Variants in REV1 observed in about 807,000 individuals in gnomAD.
REV1 encodes the protein translesion synthesis protein REV1.
REV1 carries 42 observed loss-of-function variants against 137.4 expected under a neutral mutation model. The ratio of observed to expected loss-of-function variants is 0.31; its 90% CI spans 0.24 to 0.40. The LOEUF (loss-of-function observed/expected upper bound fraction) is 0.40. Ranked by LOEUF, REV1 falls within the 10% of genes least tolerant of loss-of-function variation. The pLI, the probability that REV1 is intolerant of heterozygous loss-of-function variation, is 1.00. For synonymous variants in REV1, 524 were observed against 519.2 expected, an observed-to-expected ratio of 1.01 and a Z score of -0.12; for missense variants, 1,282 against 1,490.1, an observed-to-expected ratio of 0.86 and a Z score of 2.30.
intron 1 of REV1, among the ~76,000 whole-genome samples, chr2:99,485,448 CA>C (rs1687040498): frequency 6.6e-6 from 1 of 152,158 alleles, no homozygotes; most frequent in African/African-American, 2.4e-5. Flanking sequence ...AAACTGAACA[CA>C]ACTAAAGATG....
At position 99,454,550 on chromosome 2, in the gene REV1, CAAAAAAAAAAAAAAAAAAAAAAAAAAA is replaced by C. The variant is rs373850478; in HGVS notation, c.182-5073_182-5047del. ...GGGCAACAAGAGTGAAACTCCAGCT[CAAAAAAAAAAAAAAAAAAAAAAAAAAA>C]AAAAAAAAAAAAAACCCAAAAATTA... On this transcript the variant is annotated intron_variant, in intron 3 of 22. Transcript: ENST00000258428. 4.1e-4 allele frequency among the ~76,000 whole-genome samples: 34 copies of C among 82,368 alleles called. No individual in the cohort carries two copies. In the South Asian group the frequency reaches 0.02, roughly 49 times the overall value. 54.0% of individuals were successfully genotyped at this position (82,368 alleles called of 152,430 possible). A position where few individuals can be genotyped will look rare whatever the true frequency, so the allele number is the denominator to read the frequency against.
intron 4 of REV1, 23 bp downstream of exon 4, chr2:99,449,300 AAAATTTATTAATT>A: frequency 8.0e-7 from 1 of 1,242,808 alleles, no homozygotes; most frequent in Non-Finnish European, 1.1e-6. Flanking sequence ...TCTAACTTTA[AAAATTTATTAATT>A]AAATTTAATA....
chr2:99,432,839 G>A (rs1343363373), intron 8 of REV1, among the ~76,000 whole-genome samples: 1 of 152,194 alleles, frequency 6.6e-6, no homozygotes, highest in East Asian at 1.9e-4. Flanking sequence ...ACCAATGACA[G>A]TACTGTGTTA....
At chr2:99,416,440 A>G (rs1575019634) in intron 12 of REV1, among the ~76,000 whole-genome samples, 1 of 152,194 alleles carries the variant, frequency 6.6e-6, no homozygotes, top group Non-Finnish European at 1.5e-5. Flanking sequence ...TATAGACCTG[A>G]AATGTTCTAT....
At position 99,460,765 on chromosome 2, in the gene REV1, G is replaced by A. The variant is rs1420025769; in HGVS notation, c.181+1731C>T. Among the ~76,000 whole-genome samples, 67 of 151,904 alleles carry A rather than the reference G, an allele frequency of 4.4e-4. 2 individuals are homozygous for A. The highest frequency in any genetic ancestry group is 4.4e-3 in the Admixed American group (67 of 15,254). On this transcript the variant is annotated intron_variant, in intron 3 of 22. Coordinates refer to ENST00000258428, the MANE Select transcript of REV1 (RefSeq NM_016316.4). ...AGTTATAATGAAATCTTAATAACAA[G>A]AGCAAAAATATTATCATCTCTATCC...
chr2:99,433,993 A>G (rs1680429456), intron 8 of REV1, among the ~76,000 whole-genome samples: 1 of 152,210 alleles, frequency 6.6e-6, no homozygotes, highest in Non-Finnish European at 1.5e-5. Context: ...ACAAATCTTG[A>G]GCAAGACAAA....
chr2:99,442,264 A>AAAAAAAAAAAAAAAAAAAC (rs1681598603), intron 5 of REV1, 53 bp downstream of exon 5: 1 of 1,364,238 alleles, frequency 7.3e-7, no homozygotes, highest in African/African-American at 1.5e-5. Flanking sequence ...AAAAAAAAAA[A>AAAAAAAAAAAAAAAAAAAC]AAAAAAAAAA....
intron 3 of REV1, among the ~76,000 whole-genome samples, chr2:99,457,239 A>G (rs917670778): frequency 1.3e-5 from 2 of 152,230 alleles, no homozygotes; most frequent in Non-Finnish European, 2.9e-5. Flanking sequence ...TGTTCAATCA[A>G]CTAAAGAAAA....
chr2:99,488,720 T>G (rs964641033), intron 1 of REV1, among the ~76,000 whole-genome samples: 5 of 152,178 alleles, frequency 3.3e-5, no homozygotes, highest in African/African-American at 4.8e-5. Flanking sequence ...ACAGGCTGAT[T>G]TGCTACATAC....
chr2:99,415,575 G>A (rs548481478), intron 12 of REV1, among the ~76,000 whole-genome samples: 1 of 152,374 alleles, frequency 6.6e-6, no homozygotes, highest in South Asian at 2.1e-4. Flanking sequence ...TCCAATACAG[G>A]AGAACCTTGC....
intron 3 of REV1, among the ~76,000 whole-genome samples, chr2:99,458,886 T>A (rs1029129097): frequency 6.6e-6 from 1 of 152,126 alleles, no homozygotes; most frequent in Non-Finnish European, 1.5e-5. Flanking sequence ...GAAGTGGGTG[T>A]GACTATGAAA....
At position 99,451,535 on chromosome 2, in the gene REV1, A is replaced by C. The variant is rs774703040; in HGVS notation, c.182-2031T>G. 4 of 1,262,946 alleles carry C rather than the reference A, an allele frequency of 3.2e-6. No homozygotes were observed. In the South Asian group the frequency reaches 5.0e-5, roughly 16 times the overall value. The allele number at this position is 1,262,946 out of a possible 1,614,324, so 78.2% of individuals were successfully genotyped here. On this transcript the variant is annotated intron_variant, in intron 3 of 22. Coordinates refer to ENST00000258428, the MANE Select transcript of REV1 (RefSeq NM_016316.4). ...AAGGCAAGATCACATAAACTATGGA[A>C]TAAGACCGATCTGAGTTTAATCTTA...
chr2:99,480,843 T>C (rs767919665), intron 1 of REV1, among the ~76,000 whole-genome samples: 37 of 152,188 alleles, frequency 2.4e-4, no homozygotes, highest in Non-Finnish European at 5.1e-4. Context: ...AGAATATATT[T>C]AAAATTATAT....
Position 99,477,055 on chromosome 2 carries a change from A to C in REV1, c.-10-12070T>G, listed in dbSNP as rs1484038750. ...GTGTGGATCCCCAAACTTGCAGTTGATCTCATAAGTGAGGGTGGTCTTGGG... is the reference window on the plus strand; with the variant it reads ...GTGTGGATCCCCAAACTTGCAGTTGCTCTCATAAGTGAGGGTGGTCTTGGG... On this transcript the variant is annotated intron_variant, in intron 1 of 22. Coordinates refer to ENST00000258428, the MANE Select transcript of REV1 (RefSeq NM_016316.4). Among the ~76,000 whole-genome samples, 3 of 134,442 alleles carry C rather than the reference A, an allele frequency of 2.2e-5. No individual in the cohort carries two copies. The East Asian group carries it at 6.6e-4, about 30-fold the overall frequency. The allele number at this position is 134,442 out of a possible 152,430, so 88.2% of individuals were successfully genotyped here. A position where few individuals can be genotyped will look rare whatever the true frequency, so the allele number is the denominator to read the frequency against.
At position 99,404,614 on chromosome 2, in the gene REV1, C is replaced by T. The variant is rs1325430876; in HGVS notation, c.2875G>A (p.Ala959Thr). Residue 959 changes from alanine to threonine, a missense_variant, in exon 18 of 23, where the codon GCT becomes ACT. Physicochemically the swap from Ala to Thr is moderately conservative, Grantham distance 58. Coordinates refer to ENST00000258428, the MANE Select transcript of REV1 (RefSeq NM_016316.4). ...CCATGTGACTCTGCTTGCTGGACAG[C>T]ACAGACTTGCTCTACTTGTTCCCGG... is the stretch of plus-strand genomic sequence containing the variant. ...DLREQVEQVC[A>T]VQQAESHGDK... 6.2e-7 allele frequency: 1 copy of T among 1,613,508 alleles called. No individual in the cohort carries two copies. The highest frequency in any genetic ancestry group is 2.2e-5 in the East Asian group (1 of 44,882).
At chr2:99,432,489 C>T (rs867776266) in intron 8 of REV1, among the ~76,000 whole-genome samples, 1 of 152,074 alleles carries the variant, frequency 6.6e-6, no homozygotes. Flanking sequence ...AAGTTCTGAG[C>T]ACAAGCTTAG....
chr2:99,403,863 G>A (rs1267433289), intron 18 of REV1, 48 bp from the exon 19 acceptor site: 2 of 1,599,768 alleles, frequency 1.3e-6, no homozygotes, highest in African/African-American at 2.7e-5. Context: ...AATTGTAGAT[G>A]GTAGCTGGTT....
intron 1 of REV1, among the ~76,000 whole-genome samples, chr2:99,471,805 AC>A (rs576320817): frequency 1.1e-4 from 16 of 152,058 alleles, no homozygotes; most frequent in African/African-American, 2.2e-4. Context: ...ACACAAAAAA[AC>A]GTTCAGTGTC....
chr2:99,448,406 G>T (rs1682498323), intron 4 of REV1, among the ~76,000 whole-genome samples: 1 of 151,972 alleles, frequency 6.6e-6, no homozygotes, highest in Non-Finnish European at 1.5e-5. Context: ...CATCTCCAAG[G>T]TTTCAGATGA....
Sources: gnomAD v4.1 joint callset for allele counts (sites outside exome capture counted in the v4.1 genomes callset) on GRCh38, gnomAD v4.1.1 for gene constraint, MANE v1.5 for transcripts, NCBI Gene and HGNC (gene_info 2026-07-23, HGNC 2026-07-21) for gene names.